The following DLG2 variants were observed in gnomAD, a reference collection of about 807,000 sequenced individuals.
The protein encoded by DLG2 is discs large MAGUK scaffold protein 2.
A neutral mutation model predicts 132.5 loss-of-function variants in DLG2; 45 were observed. That is an observed-to-expected ratio of 0.34 (90% CI 0.27 to 0.44). The LOEUF (loss-of-function observed/expected upper bound fraction) is 0.44. Among genes scored for constraint, DLG2 ranks in the 20% least tolerant of loss-of-function variants. The pLI is 1.00. For missense variants in DLG2, 1,045 were observed against 1,196.9 expected, an observed-to-expected ratio of 0.87 and a Z score of 1.87; for synonymous variants, 424 against 419.6, an observed-to-expected ratio of 1.01 and a Z score of -0.13.
Position 84,502,466 on chromosome 11 carries a change from G to C in DLG2, c.519+32104C>G, listed in dbSNP as rs116051255. 5.9e-3 allele frequency among the ~76,000 whole-genome samples: 862 copies of C among 145,132 alleles called. 18 individuals carry two copies. The highest frequency in any genetic ancestry group is 0.021 in the African/African-American group (789 of 37,644). On this transcript the variant is annotated intron_variant, in intron 7 of 27. Transcript: ENST00000376104. ...GGCTAAGTGCAGTGTCTCAATCTCG[G>C]CTCACTGCAGCCTCCATCTCCCAGG...
At chr11:83,566,455 G>T (rs750248144) in intron 19 of DLG2, among the ~76,000 whole-genome samples, 111 of 151,920 alleles carry the variant, frequency 7.3e-4, no homozygotes, top group Admixed American at 1.0e-3. Context: ...GATCTCATTT[G>T]GTCTAAATAT....
At chr11:84,039,928 G>A (rs754668103) in intron 11 of DLG2, among the ~76,000 whole-genome samples, 1 of 147,006 alleles carries the variant, frequency 6.8e-6, no homozygotes, top group Admixed American at 6.8e-5. Flanking sequence ...GGTGTGAGAT[G>A]GTATCTCATT....
Position 84,798,273 on chromosome 11 carries a change from T to G in DLG2, c.358-263542A>C, listed in dbSNP as rs530617982. On this transcript the variant is annotated intron_variant, in intron 6 of 27. Transcript: ENST00000376104. ...TTCCCTTCAGTGTGACAAGTTGCTC[T>G]AGGCTCAAGAAGTTTCAGTGATGCT... 5.9e-5 allele frequency among the ~76,000 whole-genome samples: 9 copies of G among 152,304 alleles called. No homozygotes were observed. In the East Asian group the frequency reaches 1.7e-3, roughly 29 times the overall value.
At chr11:84,755,805 A>G (rs1324422568) in intron 6 of DLG2, among the ~76,000 whole-genome samples, 1 of 152,208 alleles carries the variant, frequency 6.6e-6, no homozygotes, top group Non-Finnish European at 1.5e-5. Context: ...AAACCTGCCC[A>G]ATTTTCAATA....
chr11:84,629,941 T>C (rs2099628742), intron 6 of DLG2, among the ~76,000 whole-genome samples: 1 of 152,144 alleles, frequency 6.6e-6, no homozygotes, highest in South Asian at 2.1e-4. Context: ...TTAAAATAAA[T>C]ATAAAACACC....
intron 11 of DLG2, among the ~76,000 whole-genome samples, chr11:84,051,101 G>A (rs1023988269): frequency 1.3e-4 from 20 of 151,854 alleles, no homozygotes; most frequent in Non-Finnish European, 2.8e-4. Context: ...TTAGAATGGC[G>A]ATCATTAAAA....
intron 17 of DLG2, among the ~76,000 whole-genome samples, chr11:83,832,705 GT>G (rs1293427199): frequency 6.6e-6 from 1 of 152,052 alleles, no homozygotes; most frequent in Non-Finnish European, 1.5e-5. Flanking sequence ...TCAGCATCAC[GT>G]GATATACCCA....
chr11:83,948,301 G>C (rs1319922102), intron 14 of DLG2, among the ~76,000 whole-genome samples: 2 of 152,066 alleles, frequency 1.3e-5, no homozygotes, highest in African/African-American at 4.8e-5. Context: ...ACCTAGGATG[G>C]GGGTGGATAT....
At chr11:85,271,384 C>G (rs1026672897) in intron 4 of DLG2, among the ~76,000 whole-genome samples, 1 of 152,242 alleles carries the variant, frequency 6.6e-6, no homozygotes, top group Non-Finnish European at 1.5e-5. Flanking sequence ...CATGCAGAAC[C>G]TCTGTTAGGG....
At chr11:83,949,342 A>G (rs2084837731) in intron 14 of DLG2, among the ~76,000 whole-genome samples, 1 of 152,142 alleles carries the variant, frequency 6.6e-6, no homozygotes, top group Non-Finnish European at 1.5e-5. Flanking sequence ...TTTTAACTCT[A>G]ATGATCTTTT....
chr11:83,741,960 C>T (rs904571018), intron 18 of DLG2, among the ~76,000 whole-genome samples: 2 of 152,036 alleles, frequency 1.3e-5, no homozygotes, highest in East Asian at 1.9e-4. Context: ...TGGAACTCTT[C>T]CCTGAAAACT....
chr11:84,552,816 T>C (rs972301871), intron 6 of DLG2, among the ~76,000 whole-genome samples: 9 of 152,164 alleles, frequency 5.9e-5, no homozygotes, highest in Admixed American at 4.6e-4. Context: ...CACCCTCAGA[T>C]ACATCTTCCT....
intron 2 of DLG2, among the ~76,000 whole-genome samples, chr11:85,623,072 A>T (rs1405257022): frequency 6.6e-6 from 1 of 152,132 alleles, no homozygotes; most frequent in African/African-American, 2.4e-5. Flanking sequence ...AAAAAAAAAA[A>T]AAGATTCCAA....
chr11:84,771,040 G>A (rs374305018), intron 6 of DLG2, among the ~76,000 whole-genome samples: 4 of 152,224 alleles, frequency 2.6e-5, no homozygotes, highest in African/African-American at 9.6e-5. Flanking sequence ...GGGCACCTGG[G>A]TTGATTCTGT....
intron 18 of DLG2, among the ~76,000 whole-genome samples, chr11:83,655,353 A>G (rs529351410): frequency 2.0e-5 from 3 of 152,354 alleles, no homozygotes; most frequent in African/African-American, 7.2e-5. Flanking sequence ...CATTGGAATC[A>G]TTGTGGAGAT....
intron 7 of DLG2, among the ~76,000 whole-genome samples, chr11:84,353,203 A>C (rs1266273199): frequency 6.6e-6 from 1 of 152,178 alleles, no homozygotes; most frequent in African/African-American, 2.4e-5. Context: ...GCTTGCCTTA[A>C]GGCTACCAAA....
chr11:83,902,059 A>G (rs2073604975), intron 15 of DLG2, among the ~76,000 whole-genome samples: 1 of 152,238 alleles, frequency 6.6e-6, no homozygotes, highest in Non-Finnish European at 1.5e-5. Flanking sequence ...AAATTTTATC[A>G]AAGTAATCGT....
At chr11:84,649,497 C>G (rs1333249726) in intron 6 of DLG2, among the ~76,000 whole-genome samples, 1 of 152,008 alleles carries the variant, frequency 6.6e-6, no homozygotes, top group African/African-American at 2.4e-5. Flanking sequence ...CAAAGAAACC[C>G]AAAGGTTTGA....
At chr11:84,067,450 A>C (rs1357777599) in intron 10 of DLG2, among the ~76,000 whole-genome samples, 1 of 152,180 alleles carries the variant, frequency 6.6e-6, no homozygotes, top group Non-Finnish European at 1.5e-5. Context: ...TTTTTCTTCT[A>C]TTCCTGAAGT....
Sources: allele counts gnomAD v4.1 joint callset (sites outside exome capture counted in the v4.1 genomes callset), GRCh38; gene constraint gnomAD v4.1.1; transcripts MANE v1.5; gene names NCBI Gene and HGNC (gene_info 2026-07-23, HGNC 2026-07-21).